The following SBK1 variants were observed in gnomAD, a reference collection of about 807,000 sequenced individuals.
SBK1 encodes serine/threonine-protein kinase SBK1.
In SBK1, 11 loss-of-function variants were observed where a neutral mutation model predicts 24.4. That is an observed-to-expected ratio of 0.45 (90% confidence interval 0.28 to 0.75). SBK1 has a LOEUF of 0.75. Among genes scored for constraint, SBK1 ranks in the 30% least tolerant of loss-of-function variants. The pLI is 0.12. For missense variants in SBK1, 467 were observed against 620.5 expected (o/e 0.75, Z 2.63); for synonymous variants, 308 against 284.4 (o/e 1.08, Z -0.83).
At position 28,319,064 on chromosome 16, in the gene SBK1, G is replaced by A; in HGVS notation, c.296G>A (p.Ser99Asn). ...TKLKNFLREV[S>N]ITNSLSSSPF... is the part of the protein sequence containing the mutation. ...CTGAAGAACTTCCTACGGGAGGTGA[G>A]CATCACCAACAGCCTCTCCTCCAGC... The change falls in exon 3 of 4, where the codon AGC (serine) becomes AAC (asparagine). Residue 99 changes from serine (S) to asparagine (N), a missense_variant. By Grantham distance (46) the Ser-to-Asn change is conservative. Around this residue, in one of 4 missense-constraint regions of SBK1, gnomAD observed 123 missense variants for 158.2 expected, o/e 0.78. Transcript: ENST00000341901. The surrounding 1 kb of genome is among the most constrained non-coding windows in gnomAD (Gnocchi z 4.0). 6.2e-7 allele frequency: 1 copy of A among 1,614,102 alleles called. No individual in the cohort carries two copies.
At chr16:28,315,305 G>A (rs575307912) in intron 1 of SBK1, among the ~76,000 whole-genome samples, 1 of 152,254 alleles carries the variant, frequency 6.6e-6, no homozygotes, top group Non-Finnish European at 1.5e-5. Context: ...TCGACGGCAG[G>A]GATGTATACA....
chr16:28,275,328 T>TAA (rs1439617738), intron 1 of SBK1, among the ~76,000 whole-genome samples: 19 of 151,870 alleles, frequency 1.3e-4, no homozygotes, highest in African/African-American at 4.3e-4. Flanking sequence ...AAGTGAGAAA[T>TAA]GGGGGTGAGG....
intron 1 of SBK1, among the ~76,000 whole-genome samples, chr16:28,310,584 C>T (rs185212135): frequency 1.3e-5 from 2 of 152,312 alleles, no homozygotes; most frequent in Non-Finnish European, 2.9e-5. Context: ...CTGCTCACAC[C>T]TGTAATCCCA....
chr16:28,271,530 C>T lies in SBK1; in HGVS notation c.257+12028C>T, dbSNP rs567082997. On this transcript the variant is annotated intron_variant, in intron 1 of 3. Coordinates refer to the SBK1 transcript ENST00000671413. ...CAAGATCACACCACTGCACTCCAGG[C>T]TGGGTGACAGAATGCGACTCCGTCC... is the stretch of plus-strand genomic sequence containing the variant. 3.0e-4 allele frequency among the ~76,000 whole-genome samples: 45 copies of T among 152,262 alleles called. No individual in the cohort carries two copies. The South Asian group carries it at 7.3e-3, about 25-fold the overall frequency.
At chr16:28,276,176 G>A (rs1358686553) in intron 1 of SBK1, among the ~76,000 whole-genome samples, 1 of 152,186 alleles carries the variant, frequency 6.6e-6, no homozygotes, top group African/African-American at 2.4e-5. Context: ...GGAGAGAGGA[G>A]GAGGTGGGAA....
At chr16:28,314,149 GTTATTATTA>G (rs71389548) in intron 1 of SBK1, among the ~76,000 whole-genome samples, 1 of 149,056 alleles carries the variant, frequency 6.7e-6, no homozygotes, top group South Asian at 2.2e-4. Flanking sequence ...CGTTATTATT[GTTATTATTA>G]TTATTATTAT....
At chr16:28,296,642 A>G (rs974634256) in intron 1 of SBK1, among the ~76,000 whole-genome samples, 11 of 152,192 alleles carry the variant, frequency 7.2e-5, no homozygotes, top group South Asian at 6.2e-4. Flanking sequence ...GTGTCCACCC[A>G]GGGTCTTAAG....
chr16:28,272,623 T>C (rs7196042), intron 1 of SBK1, among the ~76,000 whole-genome samples: 18 of 122,678 alleles, frequency 1.5e-4, no homozygotes, highest in African/African-American at 5.9e-4. Context: ...TTCTTTCTTT[T>C]TTTTTTTTTT....
Position 28,317,607 on chromosome 16 carries a change from C to T in SBK1, c.216C>T (p.Tyr72=), listed in dbSNP as rs1200153565. ...ATGGGAAGGTTGACCTGGTGGTCTACAAGGGCACAGGTGAACAAGTGCAGG... is the reference window on the plus strand; with the variant it reads ...ATGGGAAGGTTGACCTGGTGGTCTATAAGGGCACAGGTGAACAAGTGCAGG... ...GTYGKVDLVV[Y]KGTGTKMALK... The change falls in exon 2 of 4, where the codon TAC becomes TAT. Residue 72 remains tyrosine, a synonymous_variant. Transcript: ENST00000341901. This position sits in a 1 kb window ranked among gnomAD's most constrained non-coding sequence, Gnocchi z 4.2. The T allele has an allele frequency of 1.2e-6, 2 of 1,607,958 alleles. No homozygotes were observed. Among genetic ancestry groups the T allele is most frequent in the East Asian group, 4.5e-5 (2 of 44,762 alleles).
At chr16:28,312,727 C>T (rs149445837) in intron 1 of SBK1, among the ~76,000 whole-genome samples, 2,820 of 152,340 alleles carry the variant, frequency 0.019, 53 homozygotes, top group African/African-American at 0.042. Flanking sequence ...AGGCCAAGTA[C>T]AGTGGCTCAG....
At chr16:28,316,329 T>C (rs535713706) in intron 1 of SBK1, among the ~76,000 whole-genome samples, 1 of 152,276 alleles carries the variant, frequency 6.6e-6, no homozygotes, top group Admixed American at 6.5e-5. Flanking sequence ...GATCGTAATA[T>C]ACAACTGATG....
At chr16:28,275,031 G>A (rs763043166) in intron 1 of SBK1, among the ~76,000 whole-genome samples, 3 of 152,120 alleles carry the variant, frequency 2.0e-5, no homozygotes, top group Non-Finnish European at 4.4e-5. Flanking sequence ...TTGTCCTTAT[G>A]AAGTGGGAAA....
intron 1 of SBK1, among the ~76,000 whole-genome samples, chr16:28,269,337 C>T (rs1246762171): frequency 2.0e-5 from 3 of 151,490 alleles, no homozygotes. Context: ...GCCTGGCCTG[C>T]AAGTTCTTTC....
At chr16:28,291,996 C>T (rs1597018699), upstream of SBK1, 1 of 152,104 alleles carries the variant, frequency 6.6e-6, no homozygotes. Flanking sequence ...GATGGACGGA[C>T]GGATGGATGG....
chr16:28,274,084 A>G (rs554794689), intron 1 of SBK1, among the ~76,000 whole-genome samples: 1 of 152,324 alleles, frequency 6.6e-6, no homozygotes, highest in Admixed American at 6.5e-5. Context: ...GAGGTACAGC[A>G]TGGTGGATTT....
intron 1 of SBK1, chr16:28,286,019 C>G (rs752862438): frequency 2.0e-5 from 3 of 152,298 alleles, no homozygotes; most frequent in Admixed American, 6.5e-5. Context: ...CAGTGGAGAG[C>G]TCATCAGTAC....
chr16:28,322,976 CT>C lies in SBK1; in HGVS notation c.*2056del. On this transcript the variant is annotated 3_prime_UTR_variant, in exon 4 of 4. Coordinates refer to ENST00000341901, the MANE Select transcript of SBK1 (RefSeq NM_001024401.3). ...TCTCTCTCTCTCTCTCTCTCTCTCT[CT>C]CTCCTCTCTTTCTCTCTCTCCCTCT... 4 of 129,312 alleles carry C rather than the reference CT, an allele frequency of 3.1e-5. No homozygotes were observed. The highest frequency in any genetic ancestry group is 4.6e-4 in the East Asian group (2 of 4,302). The allele number at this position is 129,312 out of a possible 1,614,324, so 8.0% of individuals were successfully genotyped here.
chr16:28,271,012 C>T (rs1342382954), intron 1 of SBK1, among the ~76,000 whole-genome samples: 7 of 151,766 alleles, frequency 4.6e-5, no homozygotes, highest in African/African-American at 1.5e-4. Context: ...TACAGGCGCC[C>T]GCCACCACGC....
intron 2 of SBK1, among the ~76,000 whole-genome samples, 198 bp from the exon 3 acceptor site, chr16:28,318,797 G>A (rs766636756): frequency 1.2e-4 from 18 of 152,198 alleles, no homozygotes; most frequent in Non-Finnish European, 2.4e-4. Context: ...AGTGGGTGTA[G>A]AAGGCTCAGG....
Sources: allele counts gnomAD v4.1 joint callset (sites outside exome capture counted in the v4.1 genomes callset), GRCh38; gene constraint gnomAD v4.1.1; regional missense constraint gnomAD v4.1.1; non-coding constraint Gnocchi (gnomAD v3.1); transcripts MANE v1.5; gene names NCBI Gene and HGNC (gene_info 2026-07-23, HGNC 2026-07-21).